Variants in DPH6 observed in about 807,000 individuals in gnomAD.
The protein encoded by DPH6 is diphthamine biosynthesis 6, also known as diphthine--ammonia ligase.
Under a neutral mutation model 38.2 loss-of-function variants are expected in DPH6, and 33 were observed. That is an observed-to-expected ratio of 0.86 (90% CI 0.65 to 1.15). The LOEUF (loss-of-function observed/expected upper bound fraction) is 1.15, where lower values mean the gene tolerates loss of function less well. DPH6 is among the 50% of genes most tolerant of loss of function. The pLI is 0.00. For synonymous variants in DPH6, 108 were observed against 103.0 expected (o/e 1.05, Z -0.30); for missense variants, 325 against 320.0 (o/e 1.02, Z -0.12).
intron 6 of DPH6, among the ~76,000 whole-genome samples, chr15:35,399,475 C>T (rs2053189355): frequency 6.6e-6 from 1 of 152,024 alleles, no homozygotes; most frequent in Non-Finnish European, 1.5e-5. Flanking sequence ...AGGGGAGGTA[C>T]ACTAATGAAA....
At chr15:35,225,023 A>T (rs937192490) in intron 3 of DPH6, among the ~76,000 whole-genome samples, 19 of 152,194 alleles carry the variant, frequency 1.2e-4, no homozygotes, top group Non-Finnish European at 1.8e-4. Flanking sequence ...CTTTTGTTTC[A>T]GGATCCCATC....
At chr15:35,470,319 G>A (rs1566922088) in intron 3 of DPH6, among the ~76,000 whole-genome samples, 1 of 152,104 alleles carries the variant, frequency 6.6e-6, no homozygotes, top group Non-Finnish European at 1.5e-5. Flanking sequence ...AGGTTTTAAA[G>A]CGCAGAGTCT....
chr15:35,363,775 GATTAT>G (rs2052633961), intron 3 of DPH6, among the ~76,000 whole-genome samples: 2 of 151,300 alleles, frequency 1.3e-5, no homozygotes, highest in South Asian at 2.1e-4. Flanking sequence ...TACTTCATTA[GATTAT>G]ATTATACTCA....
chr15:35,367,871 A>G (rs1473731192), downstream of DPH6, among the ~76,000 whole-genome samples: 1 of 151,872 alleles, frequency 6.6e-6, no homozygotes, highest in African/African-American at 2.4e-5. Context: ...ATGGAAAAAA[A>G]AATAGAACTC....
In DPH6 at chr15:35,263,398, C is replaced by CTT. The variant is rs757916530; in HGVS notation, n.201-42818_201-42817dup. On this transcript the variant is annotated intron_variant and non_coding_transcript_variant, in intron 3 of 3. Coordinates refer to the DPH6 transcript ENST00000560386. Reference sequence around the variant, plus strand: ...AAGAAAACATTTTAACATAATTAATCTTTTTTTTTTTTTTTTTTTTTTTTA... The same window carrying CTT: ...AAGAAAACATTTTAACATAATTAATCTTTTTTTTTTTTTTTTTTTTTTTTTTA... Among the ~76,000 whole-genome samples the CTT allele has an allele frequency of 5.3e-3, 527 of 98,970 alleles. 6 individuals are homozygous for CTT. Among genetic ancestry groups the CTT allele is most frequent in the African/African-American group, 0.02 (461 of 23,542 alleles). 64.9% of individuals were successfully genotyped at this position (98,970 alleles called of 152,430 possible). A position where few individuals can be genotyped will look rare whatever the true frequency, so the allele number is the denominator to read the frequency against.
At chr15:35,240,832 A>G (rs2140400893) in intron 3 of DPH6, among the ~76,000 whole-genome samples, 1 of 143,608 alleles carries the variant, frequency 7.0e-6, no homozygotes, top group East Asian at 2.2e-4. Context: ...ACATTAAATA[A>G]AACTCCAAAA....
chr15:35,221,518 G>T (rs1383575036), intron 3 of DPH6, among the ~76,000 whole-genome samples: 1 of 152,208 alleles, frequency 6.6e-6, no homozygotes, highest in Non-Finnish European at 1.5e-5. Context: ...TGTGTCTGCA[G>T]AGTTATCACC....
chr15:35,356,952 CTTTG>C (rs1953290075), intron 3 of DPH6, among the ~76,000 whole-genome samples: 2 of 152,208 alleles, frequency 1.3e-5, no homozygotes, highest in South Asian at 2.1e-4. Context: ...TTCCTGGCCA[CTTTG>C]TTTACCTACT....
chr15:35,447,252 T>C (rs1384990878), intron 5 of DPH6, among the ~76,000 whole-genome samples: 1 of 152,124 alleles, frequency 6.6e-6, no homozygotes, highest in Non-Finnish European at 1.5e-5. Flanking sequence ...AGCATCAAAT[T>C]TGAGAGAGAT....
At chr15:35,467,206 T>C (rs1029920812) in intron 3 of DPH6, among the ~76,000 whole-genome samples, 1 of 152,230 alleles carries the variant, frequency 6.6e-6, no homozygotes, top group Non-Finnish European at 1.5e-5. Context: ...TATGTCCTTA[T>C]TCTGTAAACT....
the DPH6 span, among the ~76,000 whole-genome samples, chr15:35,167,499 G>A: frequency 5.3e-5 from 8 of 150,702 alleles, no homozygotes; most frequent in East Asian, 1.2e-3. Flanking sequence ...TTCATTGACC[G>A]TAGCCTGTAA....
the DPH6 span, among the ~76,000 whole-genome samples, chr15:35,204,493 A>C: frequency 2.6e-5 from 4 of 151,778 alleles, no homozygotes; most frequent in Non-Finnish European, 4.4e-5. Flanking sequence ...TGTCTAAAAA[A>C]ATGTTGGAGG....
intron 3 of DPH6, among the ~76,000 whole-genome samples, chr15:35,296,873 C>T (rs985707168): frequency 2.4e-5 from 3 of 126,782 alleles, no homozygotes; most frequent in South Asian, 2.3e-4. Context: ...GGCGCAATCT[C>T]GGCTCACTGC....
intron 3 of DPH6, among the ~76,000 whole-genome samples, chr15:35,258,201 G>A (rs549122561): frequency 2.4e-4 from 37 of 152,120 alleles, no homozygotes; most frequent in Non-Finnish European, 4.3e-4. Context: ...TGCCTTACTC[G>A]GGCAAAAGAC....
At chr15:35,341,454 T>C (rs866366003) in intron 3 of DPH6, among the ~76,000 whole-genome samples, 1 of 152,214 alleles carries the variant, frequency 6.6e-6, no homozygotes, top group South Asian at 2.1e-4. Context: ...TCCTCTGGCA[T>C]TTTTAGTTTT....
At chr15:35,381,033 AGTT>A (rs72163104) in intron 7 of DPH6, among the ~76,000 whole-genome samples, 40,322 of 151,936 alleles carry the variant, frequency 0.27, 5,529 homozygotes, top group South Asian at 0.38. Context: ...ATCCACCTAG[AGTT>A]GTTGTCTTAA....
intron 6 of DPH6, among the ~76,000 whole-genome samples, chr15:35,398,562 T>A (rs534270945): frequency 2.9e-4 from 44 of 152,330 alleles, no homozygotes; most frequent in African/African-American, 1.1e-3. Flanking sequence ...GCCGCCTTCC[T>A]ACATACATTG....
chr15:35,478,846 C>A (rs545949212), intron 3 of DPH6, among the ~76,000 whole-genome samples: 1 of 151,872 alleles, frequency 6.6e-6, no homozygotes, highest in Non-Finnish European at 1.5e-5. Flanking sequence ...GCTGGCAACC[C>A]CTTAAACTTT....
intron 3 of DPH6, among the ~76,000 whole-genome samples, chr15:35,492,528 T>C (rs908986880): frequency 6.6e-6 from 1 of 152,200 alleles, no homozygotes; most frequent in African/African-American, 2.4e-5. Flanking sequence ...TAAGAGTGTC[T>C]AATATTCAGA....
Sources: gnomAD v4.1 joint callset for allele counts (sites outside exome capture counted in the v4.1 genomes callset) on GRCh38, gnomAD v4.1.1 for gene constraint, MANE v1.5 for transcripts, NCBI Gene and HGNC (gene_info 2026-07-23, HGNC 2026-07-21) for gene names.